ACCSL: variants seen among roughly 807,000 people sequenced by gnomAD.
The protein encoded by ACCSL is 1-aminocyclopropane-1-carboxylate synthase homolog (inactive) like.
In ACCSL, 55 loss-of-function variants were observed where a neutral mutation model predicts 61.7. That is an observed-to-expected ratio of 0.89 (90% CI 0.72 to 1.12). ACCSL has a LOEUF of 1.12. Ranked by LOEUF, ACCSL falls within the 50% of genes most tolerant of loss-of-function variation. The pLI, the probability that ACCSL is intolerant of heterozygous loss-of-function variation, is 0.00. For synonymous variants in ACCSL, 258 were observed against 264.3 expected (o/e 0.98, Z 0.23); for missense variants, 632 against 698.0 (o/e 0.91, Z 1.07).
the ACCSL span, among the ~76,000 whole-genome samples, chr11:44,021,002 T>C: frequency 2.0e-5 from 3 of 152,154 alleles, no homozygotes; most frequent in African/African-American, 7.2e-5. Flanking sequence ...TGTGTGTATA[T>C]GTATCACATT....
At chr11:43,964,606 A>G in the ACCSL span, among the ~76,000 whole-genome samples, 22,313 of 152,200 alleles carry the variant, frequency 0.15, 1,808 homozygotes, top group Middle Eastern at 0.35. Flanking sequence ...GACTCATTCT[A>G]TGAGGCCAGC....
the ACCSL span, among the ~76,000 whole-genome samples, chr11:43,978,629 T>A: frequency 1.4e-5 from 2 of 137,982 alleles, no homozygotes; most frequent in South Asian, 2.1e-4. Context: ...AGGGAGGAAG[T>A]ATTTCTCCCA....
At position 44,052,689 on chromosome 11, in the gene ACCSL, A is replaced by C. The variant is rs747890227; in HGVS notation, c.800A>C (p.Tyr267Ser). The C allele has an allele frequency of 2.5e-5, 40 of 1,613,782 alleles. No homozygotes were observed. Among genetic ancestry groups the C allele is most frequent in the Non-Finnish European group, 3.3e-5 (39 of 1,180,000 alleles). Residue 267 changes from tyrosine (Y) to serine (S), a missense_variant, in exon 6 of 14, where the codon TAT (tyrosine) becomes TCT (serine). By Grantham distance (144) the Tyr-to-Ser change is moderately radical (BLOSUM62 -2). Coordinates refer to ENST00000378832, the MANE Select transcript of ACCSL (RefSeq NM_001031854.2). ...GEAFLVPAPF[Y>S]GGFAFSSRLY... ...GCCTTCCTGGTCCCTGCTCCCTTCT[A>C]TGGTGGCTTTGCCTTTAGCTCCCGC... is the stretch of plus-strand genomic sequence containing the variant.
the ACCSL span, among the ~76,000 whole-genome samples, chr11:44,037,992 A>G: frequency 6.6e-6 from 1 of 152,178 alleles, no homozygotes; most frequent in African/African-American, 2.4e-5. Flanking sequence ...GAGAAATATC[A>G]GTAAACAAAG....
chr11:43,947,168 A>G, the ACCSL span: 1 of 152,118 alleles, frequency 6.6e-6, no homozygotes, highest in South Asian at 2.1e-4. Context: ...CCAGAGAGGG[A>G]GCAAGAGGGA....
At chr11:44,001,369 C>A in the ACCSL span, among the ~76,000 whole-genome samples, 1 of 151,846 alleles carries the variant, frequency 6.6e-6, no homozygotes, top group East Asian at 1.9e-4. Flanking sequence ...GTTTTTCCAT[C>A]AGTCTTTTCT....
chr11:43,946,459 T>C, the ACCSL span, among the ~76,000 whole-genome samples: 1 of 152,216 alleles, frequency 6.6e-6, no homozygotes, highest in South Asian at 2.1e-4. Flanking sequence ...TTGTTTATTA[T>C]AATACAAAAC....
chr11:44,011,194 C>T, the ACCSL span, among the ~76,000 whole-genome samples: 23 of 152,270 alleles, frequency 1.5e-4, no homozygotes, highest in African/African-American at 5.3e-4. Context: ...ATGCTACCTT[C>T]ATTTCCCACC....
the ACCSL span, among the ~76,000 whole-genome samples, chr11:43,991,430 A>G: frequency 2.0e-5 from 3 of 152,212 alleles, no homozygotes; most frequent in Non-Finnish European, 2.9e-5. Flanking sequence ...GTGTCATTCA[A>G]TTCCTAAGTT....
chr11:44,016,526 G>A, the ACCSL span, among the ~76,000 whole-genome samples: 1 of 152,158 alleles, frequency 6.6e-6, no homozygotes, highest in Non-Finnish European at 1.5e-5. Context: ...CAAGGCCCCT[G>A]TATCTTGATC....
chr11:43,943,283 C>A, the ACCSL span: 1 of 1,481,300 alleles, frequency 6.8e-7, no homozygotes, highest in Admixed American at 2.6e-5. The surrounding 1 kb of genome is among the most constrained non-coding windows in gnomAD (Gnocchi z 4.8). Context: ...AGGGGCGCCG[C>A]CCGCGGGGGG....
At chr11:44,022,667 T>C in the ACCSL span, among the ~76,000 whole-genome samples, 3 of 152,188 alleles carry the variant, frequency 2.0e-5, no homozygotes, top group African/African-American at 7.2e-5. Flanking sequence ...TAACACAATC[T>C]TGCGCTCCTG....
At position 44,050,138 on chromosome 11, in the gene ACCSL, C is replaced by T; in HGVS notation, c.564+17C>T. ...ACTGAAAGAGTAAGGATGTTCTGGGCTGTGTTGGGACCCACCCCTTCAAGG... is the reference window on the plus strand; with the variant it reads ...ACTGAAAGAGTAAGGATGTTCTGGGTTGTGTTGGGACCCACCCCTTCAAGG... On this transcript the variant is annotated intron_variant, in intron 2 of 13. Coordinates refer to ENST00000378832, the MANE Select transcript of ACCSL (RefSeq NM_001031854.2). The T allele has an allele frequency of 1.9e-6, 3 of 1,608,308 alleles. No homozygotes were observed. Among genetic ancestry groups the T allele is most frequent in the Non-Finnish European group, 2.6e-6 (3 of 1,174,738 alleles).
the ACCSL span, among the ~76,000 whole-genome samples, chr11:44,017,431 G>T: frequency 8.5e-5 from 13 of 152,242 alleles, no homozygotes; most frequent in African/African-American, 2.9e-4. Context: ...TTATGCAAAA[G>T]CCCTGAAAAA....
At chr11:44,001,938 C>T in the ACCSL span, among the ~76,000 whole-genome samples, 16 of 141,186 alleles carry the variant, frequency 1.1e-4, no homozygotes, top group African/African-American at 2.8e-4. Context: ...GTCCTCACCC[C>T]GCTGCACCCT....
the ACCSL span, among the ~76,000 whole-genome samples, chr11:43,955,431 C>T: frequency 1.7e-4 from 26 of 152,134 alleles, no homozygotes; most frequent in African/African-American, 5.1e-4. Context: ...ACTGCACAGA[C>T]GAGACCAATT....
chr11:43,922,330 T>C, the ACCSL span: 4 of 152,220 alleles, frequency 2.6e-5, no homozygotes, highest in Admixed American at 2.6e-4. Flanking sequence ...CAGGCTAGTT[T>C]CTCGGCCTGT....
the ACCSL span, among the ~76,000 whole-genome samples, chr11:44,031,581 A>G: frequency 1.3e-5 from 2 of 152,184 alleles, no homozygotes; most frequent in East Asian, 3.9e-4. Context: ...GAGAGGGAGC[A>G]GGAGGAGGTG....
the ACCSL span, among the ~76,000 whole-genome samples, chr11:44,011,245 C>T: frequency 6.6e-6 from 1 of 152,186 alleles, no homozygotes. Context: ...TGACCTCCAC[C>T]TCCCAACCCC....
Sources: allele counts gnomAD v4.1 joint callset (sites outside exome capture counted in the v4.1 genomes callset), GRCh38; gene constraint gnomAD v4.1.1; non-coding constraint Gnocchi (gnomAD v3.1); transcripts MANE v1.5; gene names NCBI Gene and HGNC (gene_info 2026-07-23, HGNC 2026-07-21).